The following ATRX variants were observed in gnomAD, a reference collection of about 807,000 sequenced individuals.
ATRX encodes chromatin remodeler ATRX.
ATRX carries 12 observed loss-of-function variants against 172.6 expected under a neutral mutation model. That is an observed-to-expected ratio of 0.07 (90% CI 0.04 to 0.11). The LOEUF is 0.11. Among genes scored for constraint, ATRX ranks in the 10% least tolerant of loss-of-function variants. ATRX has a pLI of 1.00. For synonymous variants in ATRX, 674 were observed against 594.7 expected (o/e 1.13, Z -1.94); for missense variants, 1,368 against 1,767.4 (o/e 0.77, Z 4.05).
intron 15 of ATRX, among the ~76,000 whole-genome samples, chrX:77,636,548 A>G (rs45574536): frequency 1.8e-3 from 200 of 110,985 alleles, no homozygotes; most frequent in African/African-American, 6.3e-3. Flanking sequence ...TAAATTACCC[A>G]ATCTCAGAAC....
intron 1 of ATRX, among the ~76,000 whole-genome samples, chrX:77,773,748 T>C (rs1384501401): frequency 1.9e-5 from 2 of 106,636 alleles, no homozygotes; most frequent in Non-Finnish European, 3.9e-5. Flanking sequence ...CAAGACTCTG[T>C]CTCAGAAAAA....
At chrX:77,612,172 T>C (rs1416670708) in intron 22 of ATRX, among the ~76,000 whole-genome samples, 1 of 110,835 alleles carries the variant, frequency 9.0e-6, no homozygotes, top group East Asian at 2.8e-4. Flanking sequence ...CTTAAGCTGA[T>C]GGTCCATCAA....
rs782266463 is a variant in ATRX at position 77,578,762 on chromosome X, G to C, written c.6218-4404C>G. On this transcript the variant is annotated intron_variant, in intron 27 of 34. Coordinates refer to ENST00000373344, the MANE Select transcript of ATRX (RefSeq NM_000489.6). The stretch of plus-strand genomic sequence containing the variant: ...CTCTTCCTGTTTGAGAAAAGGAGAG[G>C]GAAGAGTAAAGGGGACTTTATCTAG... Among the ~76,000 whole-genome samples the C allele has an allele frequency of 3.4e-4, 38 of 112,255 alleles. 1 individual carries two copies. Among genetic ancestry groups the C allele is most frequent in the Admixed American group, 3.1e-3 (33 of 10,648 alleles).
At chrX:77,645,303 T>G in intron 15 of ATRX, among the ~76,000 whole-genome samples, 1 of 111,112 alleles carries the variant, frequency 9.0e-6, no homozygotes, top group South Asian at 3.8e-4. Context: ...CACATCCAGA[T>G]AATTTTTTAA....
At chrX:77,620,559 C>A (rs1392912264) in intron 19 of ATRX, 27 bp from the exon 20 acceptor site, 4 of 1,134,434 alleles carry the variant, frequency 3.5e-6, no homozygotes, top group Middle Eastern at 2.8e-4. Context: ...AAAAATAACA[C>A]AATTAATATA....
chrX:77,713,813 CCTT>C (rs1414381758), intron 2 of ATRX, among the ~76,000 whole-genome samples: 1 of 110,721 alleles, frequency 9.0e-6, no homozygotes, highest in East Asian at 2.8e-4. Context: ...GATAAACAGA[CCTT>C]CTAGGAATGG....
Position 77,580,903 on chromosome X carries a change from A to G in ATRX, c.6218-6545T>C, listed in dbSNP as rs1384926055. On this transcript the variant is annotated intron_variant, in intron 27 of 34. Coordinates refer to ENST00000373344, the MANE Select transcript of ATRX (RefSeq NM_000489.6). ...TATAAACAGAAACAACAAAAAGCTA[A>G]AAAGTGGACAAAGTTAAGGTGTAGA... 2.7e-5 allele frequency among the ~76,000 whole-genome samples: 3 copies of G among 112,338 alleles called. No homozygotes were observed. The East Asian group carries it at 8.3e-4, about 31-fold the overall frequency.
At chrX:77,521,888 A>G (rs1322662767) in intron 32 of ATRX, 1 of 214,646 alleles carries the variant, frequency 4.7e-6, no homozygotes, top group Non-Finnish European at 8.4e-6. Context: ...TTAATTGTGC[A>G]TCTATAATGC....
intron 26 of ATRX, among the ~76,000 whole-genome samples, chrX:77,592,521 T>C (rs898177050): frequency 2.8e-5 from 3 of 109,014 alleles, no homozygotes; most frequent in Non-Finnish European, 5.7e-5. Context: ...TTTAAAAATA[T>C]GTTTTTGGAG....
chrX:77,700,450 T>C (rs2072441816), intron 2 of ATRX, among the ~76,000 whole-genome samples: 2 of 112,026 alleles, frequency 1.8e-5, no homozygotes, highest in Non-Finnish European at 3.8e-5. Flanking sequence ...AAACTAAGCA[T>C]ACCATATATA....
At chrX:77,542,655 A>G (rs1321476211) in intron 30 of ATRX, among the ~76,000 whole-genome samples, 3 of 111,790 alleles carry the variant, frequency 2.7e-5, no homozygotes, top group Admixed American at 1.9e-4. Flanking sequence ...GGCCTCAGAA[A>G]TAACACCACA....
intron 30 of ATRX, among the ~76,000 whole-genome samples, chrX:77,536,557 C>A (rs1557048412): frequency 8.9e-6 from 1 of 111,875 alleles, no homozygotes; most frequent in African/African-American, 3.3e-5. Flanking sequence ...TATTAATATA[C>A]AGATACTGTG....
At chrX:77,749,665 G>C (rs2075226526) in intron 1 of ATRX, among the ~76,000 whole-genome samples, 1 of 111,568 alleles carries the variant, frequency 9.0e-6, no homozygotes, top group Non-Finnish European at 1.9e-5. Context: ...TGGTTGTTTT[G>C]CTTTCCATGA....
intron 30 of ATRX, among the ~76,000 whole-genome samples, chrX:77,548,478 G>T (rs782807982): frequency 5.4e-5 from 6 of 111,696 alleles, no homozygotes; most frequent in South Asian, 7.5e-4. Flanking sequence ...TATGAGCATG[G>T]CTTCCTAGAA....
intron 1 of ATRX, among the ~76,000 whole-genome samples, chrX:77,724,416 G>T (rs1382329498): frequency 2.8e-5 from 3 of 107,372 alleles, no homozygotes; most frequent in African/African-American, 1.0e-4. Flanking sequence ...TTCCTTTGGA[G>T]AGAGGGAGTC....
At chrX:77,571,969 T>C (rs2065430559) in intron 28 of ATRX, among the ~76,000 whole-genome samples, 1 of 112,054 alleles carries the variant, frequency 8.9e-6, no homozygotes, top group Non-Finnish European at 1.9e-5. Context: ...TAAACAAGGA[T>C]TATATTTATA....
At chrX:77,589,284 T>C (rs967461455) in intron 27 of ATRX, among the ~76,000 whole-genome samples, 1 of 110,692 alleles carries the variant, frequency 9.0e-6, no homozygotes, top group South Asian at 3.7e-4. Context: ...GGAGTAATAG[T>C]TAAAGGGTAC....
At chrX:77,600,723 T>C (rs894464738) in intron 22 of ATRX, 159 bp from the exon 23 acceptor site, 5 of 494,201 alleles carry the variant, frequency 1.0e-5, no homozygotes, top group Admixed American at 7.3e-5. Flanking sequence ...ATAAAACAAA[T>C]AGGATTACAA....
intron 1 of ATRX, among the ~76,000 whole-genome samples, chrX:77,758,383 T>C (rs1275569731): frequency 1.0e-5 from 1 of 98,691 alleles, no homozygotes; most frequent in Non-Finnish European, 2.0e-5. Flanking sequence ...AGAGCGAAAC[T>C]CCATCTCAAG....
Sources: gnomAD v4.1 joint callset for allele counts (sites outside exome capture counted in the v4.1 genomes callset) on GRCh38, gnomAD v4.1.1 for gene constraint, MANE v1.5 for transcripts, NCBI Gene and HGNC (gene_info 2026-07-23, HGNC 2026-07-21) for gene names.